The following GAB2 variants were observed in gnomAD, a reference collection of about 807,000 sequenced individuals.
GAB2 encodes the protein GRB2 associated binding protein 2.
GAB2 carries 26 observed loss-of-function variants against 65.5 expected under a neutral mutation model. The observed-to-expected ratio is 0.40, with a 90% CI of 0.29 to 0.55. The LOEUF is 0.55. Ranked by LOEUF, GAB2 falls within the 20% of genes least tolerant of loss-of-function variation. GAB2 has a pLI of 0.53. For missense variants in GAB2, 884 were observed against 875.8 expected (o/e 1.01, Z -0.12); for synonymous variants, 321 against 329.6 (o/e 0.97, Z 0.28).
intron 1 of GAB2, among the ~76,000 whole-genome samples, chr11:78,360,317 C>A (rs1565172945): frequency 6.6e-6 from 1 of 151,240 alleles, no homozygotes; most frequent in Non-Finnish European, 1.5e-5. Flanking sequence ...GCCTGTGATC[C>A]TAGCATTTTG....
At chr11:78,336,196 C>A (rs867889290) in intron 1 of GAB2, among the ~76,000 whole-genome samples, 1 of 151,574 alleles carries the variant, frequency 6.6e-6, no homozygotes, top group African/African-American at 2.4e-5. Context: ...CGCCTGTAGT[C>A]CCAGCTACTG....
chr11:78,253,550 T>C (rs1032820948), intron 2 of GAB2, among the ~76,000 whole-genome samples: 2 of 152,188 alleles, frequency 1.3e-5, no homozygotes, highest in South Asian at 4.1e-4. Flanking sequence ...TGCCTCAGCC[T>C]TCCAAAGGGC....
intron 2 of GAB2, among the ~76,000 whole-genome samples, chr11:78,256,411 GATTTC>G (rs1865597449): frequency 6.6e-6 from 1 of 152,174 alleles, no homozygotes. Context: ...TTCTAGAAAT[GATTTC>G]ATTTATGTGA....
intron 2 of GAB2, among the ~76,000 whole-genome samples, chr11:78,251,015 G>T (rs1865440128): frequency 6.6e-6 from 1 of 152,016 alleles, no homozygotes; most frequent in Admixed American, 6.6e-5. Flanking sequence ...TGCTATTTGG[G>T]TGATAGGATG....
intron 1 of GAB2, among the ~76,000 whole-genome samples, chr11:78,323,798 T>C (rs1378204774): frequency 4.3e-5 from 6 of 139,918 alleles, no homozygotes; most frequent in African/African-American, 1.6e-4. Flanking sequence ...TTCTTTTTTT[T>C]TTTTTTTTTT....
chr11:78,219,356 C>T lies in GAB2; in HGVS notation c.1947G>A (p.Glu649=), dbSNP rs115203824. Residue 649 remains glutamate (E), a synonymous_variant, in exon 10 of 10, where the codon GAG becomes GAA. Transcript: ENST00000361507. ...TGGTGTTCTGCAGGGCCTGGGTCTTCTCCTTGTCCACCTGAACGTAGTCCA... is the reference window on the plus strand; with the variant it reads ...TGGTGTTCTGCAGGGCCTGGGTCTTTTCCTTGTCCACCTGAACGTAGTCCA... The part of the protein sequence containing the change: ...EKVDYVQVDK[E]KTQALQNTMQ... The T allele has an allele frequency of 1.9e-3, 3,077 of 1,613,920 alleles. 58 individuals carry two copies. The African/African-American group carries it at 0.038, about 20-fold the overall frequency.
intron 1 of GAB2, among the ~76,000 whole-genome samples, chr11:78,309,339 A>C (rs1855438612): frequency 6.6e-6 from 1 of 152,150 alleles, no homozygotes; most frequent in Non-Finnish European, 1.5e-5. Context: ...TAATTCCAGA[A>C]TATTTTCATC....
chr11:78,293,799 G>C (rs1023788861), intron 1 of GAB2, among the ~76,000 whole-genome samples: 1 of 152,150 alleles, frequency 6.6e-6, no homozygotes, highest in Non-Finnish European at 1.5e-5. Context: ...ACTATTTGTC[G>C]CCTAAGAACA....
In GAB2 at chr11:78,413,152, G is replaced by A. The variant is rs139422609; in HGVS notation, c.75+4494C>T. Among the ~76,000 whole-genome samples the A allele has an allele frequency of 1.9e-3, 291 of 152,312 alleles. 4 individuals carry two copies. The East Asian group carries it at 0.035, about 18-fold the overall frequency. On this transcript the variant is annotated intron_variant, in intron 1 of 9. Transcript: ENST00000361507. ...GGAAACATTCAAATAGAGATGCCCA[G>A]TTAACAGTTGGATATGTAAGTCTGA...
At chr11:78,371,613 G>A (rs940776625) in intron 1 of GAB2, among the ~76,000 whole-genome samples, 1 of 152,178 alleles carries the variant, frequency 6.6e-6, no homozygotes, top group Non-Finnish European at 1.5e-5. Flanking sequence ...AGCTCCATGA[G>A]GATGGGATTA....
intron 1 of GAB2, among the ~76,000 whole-genome samples, chr11:78,306,012 G>C (rs1396450563): frequency 3.3e-5 from 5 of 152,072 alleles, no homozygotes; most frequent in Non-Finnish European, 7.4e-5. Flanking sequence ...ACAGAATCAA[G>C]CCCAGCAGTT....
chr11:78,284,473 C>T (rs1866419383), intron 1 of GAB2, among the ~76,000 whole-genome samples: 1 of 152,242 alleles, frequency 6.6e-6, no homozygotes, highest in Non-Finnish European at 1.5e-5. Context: ...CCACCCCTCA[C>T]CTCAGCTCCT....
At chr11:78,328,530 A>G (rs1591042189) in intron 1 of GAB2, among the ~76,000 whole-genome samples, 1 of 152,216 alleles carries the variant, frequency 6.6e-6, no homozygotes, top group East Asian at 1.9e-4. Flanking sequence ...ACAGGCATCC[A>G]TCCGAAGGAG....
chr11:78,392,151 T>C (rs552382839), intron 1 of GAB2: 2 of 151,976 alleles, frequency 1.3e-5, no homozygotes, highest in African/African-American at 4.8e-5. Flanking sequence ...GGTAGGAGAA[T>C]TGCTTGAACC....
chr11:78,356,155 A>C (rs1856355568), intron 1 of GAB2, among the ~76,000 whole-genome samples: 1 of 150,464 alleles, frequency 6.6e-6, no homozygotes. Flanking sequence ...CCTGGGTGAA[A>C]GAGCAAGACT....
intron 1 of GAB2, among the ~76,000 whole-genome samples, chr11:78,398,212 A>C (rs1856926589): frequency 6.6e-6 from 1 of 152,236 alleles, no homozygotes; most frequent in African/African-American, 2.4e-5. Context: ...AAGGAAAGAC[A>C]CGCTGTCTAC....
chr11:78,304,669 C>T (rs909781967), intron 1 of GAB2, among the ~76,000 whole-genome samples: 1 of 152,184 alleles, frequency 6.6e-6, no homozygotes, highest in Non-Finnish European at 1.5e-5. Context: ...ACTGTAGTCC[C>T]TGGGCCAGTT....
At chr11:78,329,876 G>A (rs1288925443) in intron 1 of GAB2, among the ~76,000 whole-genome samples, 7 of 152,188 alleles carry the variant, frequency 4.6e-5, no homozygotes, top group African/African-American at 9.7e-5. Context: ...TAGAAAATCT[G>A]GAAAACTAAA....
chr11:78,417,157 CCGGGAGGGGCAGGCGGA>C lies in GAB2; in HGVS notation c.75+472_75+488del, dbSNP rs545952715. 7.2e-5 allele frequency among the ~76,000 whole-genome samples: 11 copies of C among 152,260 alleles called. No individual in the cohort carries two copies. The East Asian group carries it at 1.9e-3, about 27-fold the overall frequency. ...GCCGCGGACGGAGGGAGGCCGGCGG[CCGGGAGGGGCAGGCGGA>C]GAAAGGGAAGGAGAGGGCGTGAGGC... is the stretch of plus-strand genomic sequence containing the variant. On this transcript the variant is annotated intron_variant, in intron 1 of 9. Transcript: ENST00000361507.
Sources: allele counts gnomAD v4.1 joint callset (sites outside exome capture counted in the v4.1 genomes callset), GRCh38; gene constraint gnomAD v4.1.1; transcripts MANE v1.5; gene names NCBI Gene and HGNC (gene_info 2026-07-23, HGNC 2026-07-21).